PLEKHG2: variants seen among roughly 807,000 people sequenced by gnomAD.
The protein encoded by PLEKHG2 is pleckstrin homology domain-containing family G member 2.
PLEKHG2 carries 71 observed loss-of-function variants against 104.4 expected under a neutral mutation model. The observed-to-expected ratio is 0.68, with a 90% CI of 0.56 to 0.83. The LOEUF (loss-of-function observed/expected upper bound fraction) is 0.83, where lower values mean the gene tolerates loss of function less well. PLEKHG2 is among the 40% of genes least tolerant of loss of function. The probability of loss-of-function intolerance (pLI) is 0.00; values close to 1 mark genes in which losing one functional copy is unlikely to be tolerated. For synonymous variants in PLEKHG2, 728 were observed against 737.0 expected (o/e 0.99, Z 0.20); for missense variants, 1,730 against 1,809.4 (o/e 0.96, Z 0.80).
chr19:39,425,202 C>T lies in PLEKHG2; in HGVS notation c.4069C>T (p.Arg1357Trp), dbSNP rs772711680. 1.4e-5 allele frequency: 22 copies of T among 1,612,372 alleles called. No individual in the cohort carries two copies. In the East Asian group the frequency reaches 1.8e-4, roughly 13 times the overall value. ...GRLRPAKAQVRLNHPALLAST... is the reference protein window; with the variant it reads ...GRLRPAKAQVWLNHPALLAST... ...GCTGCGGCCAGCCAAGGCCCAGGTC[C>T]GGTTGAACCACCCTGCTCTCTTGGC... The change falls in exon 19 of 19, where the codon CGG becomes TGG. Residue 1357 changes from arginine (R) to tryptophan (W), a missense_variant. By Grantham distance (101) the Arg-to-Trp change is moderately radical. Transcript: ENST00000425673.
At chr19:39,422,609 G>A (rs551975369) in intron 17 of PLEKHG2, 123 bp from the exon 18 acceptor site, 17 of 1,256,494 alleles carry the variant, frequency 1.4e-5, no homozygotes, top group East Asian at 2.7e-5. Context: ...GGCTGGTCTC[G>A]AACTCGTAAC....
At position 39,413,669 on chromosome 19, in the gene PLEKHG2, A is replaced by G. The variant is rs2078555009; in HGVS notation, c.-23+257A>G. The stretch of plus-strand genomic sequence containing the variant: ...CTCGGCGGGGGAGGGAGCCGTCTGC[A>G]GGACCCTGGCATCCGGTCCCCCAGC... On this transcript the variant is annotated intron_variant, in intron 1 of 18. Coordinates refer to ENST00000425673, the MANE Select transcript of PLEKHG2 (RefSeq NM_022835.3). The surrounding 1 kb of genome is among the most constrained non-coding windows in gnomAD (Gnocchi z 4.5). 6.4e-6 allele frequency: 1 copy of G among 156,586 alleles called. No individual in the cohort carries two copies. The highest frequency in any genetic ancestry group is 1.9e-4 in the East Asian group (1 of 5,310). 9.7% of individuals were successfully genotyped at this position (156,586 alleles called of 1,614,324 possible).
intron 16 of PLEKHG2, 41 bp from the exon 17 acceptor site, chr19:39,422,074 G>A: frequency 6.4e-7 from 1 of 1,563,556 alleles, no homozygotes; most frequent in South Asian, 1.2e-5. Context: ...TGTGAGGGAG[G>A]AGTCTTGGCT....
At position 39,423,357 on chromosome 19, in the gene PLEKHG2, G is replaced by A. The variant is rs199801923; in HGVS notation, c.2303G>A (p.Arg768Gln). 4.3e-6 allele frequency: 7 copies of A among 1,613,460 alleles called. No homozygotes were observed. In the East Asian group the frequency reaches 6.7e-5, roughly 15 times the overall value. ...GCATTCCGCTCTTGCTCAGAAATCC[G>A]GAGCGCCTGGCAGGCATTGGAACAG... Reference protein sequence around the residue: ...ELAFRSCSEIRSAWQALEQGQ... With the variant: ...ELAFRSCSEIQSAWQALEQGQ... Residue 768 changes from arginine to glutamine, a missense_variant, in exon 18 of 19, where the codon CGG becomes CAG. By Grantham distance (43) the Arg-to-Gln change is conservative. Coordinates refer to ENST00000425673, the MANE Select transcript of PLEKHG2 (RefSeq NM_022835.3).
chr19:39,424,169 G>A lies in PLEKHG2; in HGVS notation c.3036G>A (p.Ala1012=), dbSNP rs142783052. ...TAFCPEQGHC[A]DIHVPTTPAL... ...TTTGTCCTGAGCAGGGACACTGTGC[G>A]GACATCCACGTTCCCACCACTCCAG... Residue 1012 remains alanine (A), a synonymous_variant, in exon 19 of 19, where the codon GCG becomes GCA. Transcript: ENST00000425673. 120 of 1,614,092 alleles carry A rather than the reference G, an allele frequency of 7.4e-5. No homozygotes were observed. Among genetic ancestry groups the A allele is most frequent in the Admixed American group, 2.2e-4 (13 of 60,004 alleles).
chr19:39,415,123 C>A lies in PLEKHG2; in HGVS notation c.241C>A (p.Pro81Thr). 1.3e-6 allele frequency: 2 copies of A among 1,598,632 alleles called. No individual in the cohort carries two copies. The highest frequency in any genetic ancestry group is 1.7e-6 in the Non-Finnish European group (2 of 1,172,422). The change falls in exon 3 of 19, where the codon CCA becomes ACA. Residue 81 changes from proline to threonine, a missense_variant. Transcript: ENST00000425673. The surrounding 1 kb of genome is among the most constrained non-coding windows in gnomAD (Gnocchi z 4.6). ...ACSASRPEPL[P>T]GPPIRLHLSP... The stretch of plus-strand genomic sequence containing the variant: ...CTCAGCCTCCAGGCCAGAGCCCCTT[C>A]CAGGGCCTCCCATCCGCCTACATCT...
rs772207703 is a variant in PLEKHG2, at chr19:39,418,916, G to C, written c.1177-1G>C. The C allele has an allele frequency of 1.2e-6, 2 of 1,611,098 alleles. No individual in the cohort carries two copies. The highest frequency in any genetic ancestry group is 8.5e-7 in the Non-Finnish European group (1 of 1,178,546). ...CTGACTCTACTCCAACCCACTCCTA[G>C]GCCAAGAACCAAGAAGAGAAGAGGC... On this transcript the variant is annotated splice_acceptor_variant, in intron 10 of 18. Coordinates refer to ENST00000425673, the MANE Select transcript of PLEKHG2 (RefSeq NM_022835.3). LOFTEE classifies it high-confidence loss of function.
rs781221602 is a variant in PLEKHG2 at position 39,419,018 on chromosome 19, G to A, written c.1263+15G>A. On this transcript the variant is annotated intron_variant, in intron 11 of 18. Coordinates refer to ENST00000425673, the MANE Select transcript of PLEKHG2 (RefSeq NM_022835.3). ...TCCCTGCCAAGGTACAGCTCCTGCC[G>A]CAGCCGGGGGCCCTCTGAGTGCTGG... is the stretch of plus-strand genomic sequence containing the variant. 56 of 1,598,158 alleles carry A rather than the reference G, an allele frequency of 3.5e-5. No individual in the cohort carries two copies. Among genetic ancestry groups the A allele is most frequent in the African/African-American group, 6.7e-5 (5 of 74,360 alleles).
rs965601035 is a variant in PLEKHG2 at position 39,415,719 on chromosome 19, C to T, written c.479+280C>T. 3.9e-5 allele frequency among the ~76,000 whole-genome samples: 6 copies of T among 152,052 alleles called. No individual in the cohort carries two copies. The highest frequency in any genetic ancestry group is 1.9e-4 in the East Asian group (1 of 5,162). On this transcript the variant is annotated intron_variant, in intron 4 of 18. Coordinates refer to ENST00000425673, the MANE Select transcript of PLEKHG2 (RefSeq NM_022835.3). The surrounding 1 kb of genome is among the most constrained non-coding windows in gnomAD (Gnocchi z 4.6). The stretch of plus-strand genomic sequence containing the variant: ...GACCCCGAGTGAGGGAGGGGCATAG[C>T]GGATGGGAGTCAGAGGACCTGGATG...
rs1384715305 is a variant in PLEKHG2, at chr19:39,416,782, CT to C, written c.594-67del. 8 of 1,532,154 alleles carry C rather than the reference CT, an allele frequency of 5.2e-6. No homozygotes were observed. The African/African-American group carries it at 1.1e-4, about 21-fold the overall frequency. The allele number at this position is 1,532,154 out of a possible 1,614,324, so 94.9% of individuals were successfully genotyped here. Reference sequence around the variant, plus strand: ...CCTGACCCTTCCCAAACCCTGGCCCCTCCCTAACCCCTCTTGACCCCGCCCA... The same window carrying C: ...CCTGACCCTTCCCAAACCCTGGCCCCCCCTAACCCCTCTTGACCCCGCCCA... On this transcript the variant is annotated intron_variant, in intron 6 of 18. Transcript: ENST00000425673. The surrounding 1 kb of genome is among the most constrained non-coding windows in gnomAD (Gnocchi z 4.5).
Position 39,422,230 on chromosome 19 carries a change from C to T in PLEKHG2, c.1619C>T (p.Thr540Ile), listed in dbSNP as rs35904695. 4,147 of 1,613,856 alleles carry T rather than the reference C, an allele frequency of 2.6e-3. 86 individuals carry two copies. In the African/African-American group the frequency reaches 0.048, roughly 19 times the overall value. The change falls in exon 17 of 19, where the codon ACC (threonine) becomes ATC (isoleucine). Residue 540 changes from threonine to isoleucine, a missense_variant. Coordinates refer to ENST00000425673, the MANE Select transcript of PLEKHG2 (RefSeq NM_022835.3). ...CCCCCAACACTGGACCCCTCTGGGA[C>T]CTCAATCACTGAAGAAATCCTGGAA... The part of the protein sequence containing the change: ...AGPPTLDPSG[T>I]SITEEILELL...
rs2145982971 is a variant in PLEKHG2, at chr19:39,416,283, C to A, written c.480-65C>A. On this transcript the variant is annotated intron_variant, in intron 4 of 18. Transcript: ENST00000425673. This position sits in a 1 kb window ranked among gnomAD's most constrained non-coding sequence, Gnocchi z 4.5. ...AGCAGACCATTGGGGCCTCAGCCTC[C>A]TGGAGGCCTCCCATGGAGGGGTCGT... The A allele has an allele frequency of 6.4e-7, 1 of 1,555,950 alleles. No individual in the cohort carries two copies. Among genetic ancestry groups the A allele is most frequent in the South Asian group, 1.1e-5 (1 of 88,996 alleles).
At position 39,415,566 on chromosome 19, in the gene PLEKHG2, C is replaced by A. The variant is rs1040845715; in HGVS notation, c.479+127C>A. 2.4e-5 allele frequency: 26 copies of A among 1,091,348 alleles called. No individual in the cohort carries two copies. Among genetic ancestry groups the A allele is most frequent in the Non-Finnish European group, 3.3e-5 (25 of 757,990 alleles). The allele number at this position is 1,091,348 out of a possible 1,614,324, so 67.6% of individuals were successfully genotyped here. ...TGGGGTTGTGACATTGGGCAAGGAT[C>A]AGGGATCACGACTGGGAGGGAGGAC... On this transcript the variant is annotated intron_variant, in intron 4 of 18. Coordinates refer to ENST00000425673, the MANE Select transcript of PLEKHG2 (RefSeq NM_022835.3). The surrounding 1 kb of genome is among the most constrained non-coding windows in gnomAD (Gnocchi z 4.6).
chr19:39,421,358 G>C, intron 16 of PLEKHG2, 59 bp downstream of exon 16: 1 of 1,569,596 alleles, frequency 6.4e-7, no homozygotes, highest in South Asian at 1.1e-5. Context: ...GATGGAGAAG[G>C]GAGCTTGAGT....
chr19:39,415,202 C>A lies in PLEKHG2; in HGVS notation c.320C>A (p.Ala107Asp). ...AGACCCTCAAGGCTGGAGCGTGTGG[C>A]CCGGGAGATCGTGGAGACAGAACGG... ...SARPSRLERV[A>D]REIVETERAY... Residue 107 changes from alanine to aspartate, a missense_variant, in exon 3 of 19, where the codon GCC becomes GAC. Coordinates refer to ENST00000425673, the MANE Select transcript of PLEKHG2 (RefSeq NM_022835.3). This position sits in a 1 kb window ranked among gnomAD's most constrained non-coding sequence, Gnocchi z 4.6. 1 of 1,585,372 alleles carries A rather than the reference C, an allele frequency of 6.3e-7. No homozygotes were observed. Among genetic ancestry groups the A allele is most frequent in the Admixed American group, 1.8e-5 (1 of 55,782 alleles).
At chr19:39,420,392 G>A (rs1286196297) in intron 11 of PLEKHG2, among the ~76,000 whole-genome samples, 1 of 152,076 alleles carries the variant, frequency 6.6e-6, no homozygotes, top group Non-Finnish European at 1.5e-5. Context: ...GGATGTGATG[G>A]TGCACATATG....
Position 39,415,416 on chromosome 19 carries a change from T to C in PLEKHG2, c.456T>C (p.Ile152=). Reference sequence around the variant, plus strand: ...AGGTGGGCACGCTGTTTGCCAACATTGAGGACATCTACGAGTTCAGCAGGT... The same window carrying C: ...AGGTGGGCACGCTGTTTGCCAACATCGAGGACATCTACGAGTTCAGCAGGT... ...VEQVGTLFAN[I]EDIYEFSSEL... The change falls in exon 4 of 19, where the codon ATT becomes ATC. Residue 152 remains isoleucine, a synonymous_variant. Coordinates refer to ENST00000425673, the MANE Select transcript of PLEKHG2 (RefSeq NM_022835.3). This position sits in a 1 kb window ranked among gnomAD's most constrained non-coding sequence, Gnocchi z 4.6. 2 of 1,613,908 alleles carry C rather than the reference T, an allele frequency of 1.2e-6. No individual in the cohort carries two copies. The highest frequency in any genetic ancestry group is 1.7e-6 in the Non-Finnish European group (2 of 1,179,930).
chr19:39,421,622 A>T (rs2078700045), intron 16 of PLEKHG2: 4 of 432,330 alleles, frequency 9.3e-6, no homozygotes, highest in Admixed American at 3.5e-5. Flanking sequence ...TGGGAGGCAG[A>T]GGTTGCAAAA....
rs199560231 is a variant in PLEKHG2 at position 39,422,893 on chromosome 19, C to G, written c.1839C>G (p.His613Gln). The G allele has an allele frequency of 1.3e-6, 2 of 1,594,466 alleles. No individual in the cohort carries two copies. Among genetic ancestry groups the G allele is most frequent in the Non-Finnish European group, 1.7e-6 (2 of 1,168,844 alleles). The change falls in exon 18 of 19, where the codon CAC becomes CAG. Residue 613 changes from histidine (H) to glutamine (Q), a missense_variant. By Grantham distance (24) the His-to-Gln change is conservative. Coordinates refer to ENST00000425673, the MANE Select transcript of PLEKHG2 (RefSeq NM_022835.3). ...EMDERGPSPL[H>Q]VLEGLESSIA... ...ATGAACGGGGGCCTTCCCCACTCCA[C>G]GTCCTGGAAGGGCTCGAAAGTTCCA... is the stretch of plus-strand genomic sequence containing the variant.
Sources: allele counts gnomAD v4.1 joint callset (sites outside exome capture counted in the v4.1 genomes callset), GRCh38; gene constraint gnomAD v4.1.1; non-coding constraint Gnocchi (gnomAD v3.1); transcripts MANE v1.5; gene names NCBI Gene and HGNC (gene_info 2026-07-23, HGNC 2026-07-21).